MGAT4C: variants seen among roughly 807,000 people sequenced by gnomAD.
MGAT4C encodes the protein alpha-1,3-mannosyl-glycoprotein 4-beta-N-acetylglucosaminyltransferase C.
MGAT4C carries 19 observed loss-of-function variants against 40.1 expected under a neutral mutation model. The observed-to-expected ratio is 0.47, with a 90% CI of 0.33 to 0.70. MGAT4C has a LOEUF of 0.70. Ranked by LOEUF, MGAT4C falls within the 30% of genes least tolerant of loss-of-function variation. The probability of loss-of-function intolerance (pLI) is 0.02; values close to 1 mark genes in which losing one functional copy is unlikely to be tolerated. For missense variants in MGAT4C, 491 were observed against 563.2 expected, an observed-to-expected ratio of 0.87 and a Z score of 1.30; for synonymous variants, 181 against 187.1, an observed-to-expected ratio of 0.97 and a Z score of 0.27.
chr12:86,626,655 A>C (rs900880874), intron 2 of MGAT4C, among the ~76,000 whole-genome samples: 2 of 152,220 alleles, frequency 1.3e-5, no homozygotes, highest in African/African-American at 4.8e-5. Flanking sequence ...GTTATTATTA[A>C]GATTATGGAT....
chr12:86,278,464 C>T (rs1396191272), intron 4 of MGAT4C, among the ~76,000 whole-genome samples: 2 of 152,078 alleles, frequency 1.3e-5, no homozygotes, highest in Non-Finnish European at 1.5e-5. Flanking sequence ...CAGGCGTGAG[C>T]CACCATGCCC....
At chr12:86,660,710 G>T (rs1444808185) in intron 2 of MGAT4C, among the ~76,000 whole-genome samples, 1 of 152,016 alleles carries the variant, frequency 6.6e-6, no homozygotes, top group East Asian at 1.9e-4. Context: ...TTATTCCCTT[G>T]GCTTCTGTCA....
At chr12:86,561,148 CAT>C (rs1185222893) in intron 2 of MGAT4C, among the ~76,000 whole-genome samples, 1 of 152,078 alleles carries the variant, frequency 6.6e-6, no homozygotes, top group East Asian at 1.9e-4. Flanking sequence ...TGTTAAAAAA[CAT>C]ATTACACAAA....
intron 3 of MGAT4C, among the ~76,000 whole-genome samples, chr12:86,337,033 G>A (rs1954804877): frequency 1.3e-5 from 2 of 152,074 alleles, no homozygotes; most frequent in East Asian, 1.9e-4. Context: ...TCATTCATAA[G>A]GATAGTACAT....
chr12:86,307,539 A>T (rs868602008), intron 4 of MGAT4C, among the ~76,000 whole-genome samples: 1 of 150,436 alleles, frequency 6.6e-6, no homozygotes, highest in Non-Finnish European at 1.5e-5. Context: ...AATGCTGTCT[A>T]TGCTCGGGCA....
chr12:86,374,766 A>G (rs1257950573), intron 3 of MGAT4C, among the ~76,000 whole-genome samples: 1 of 152,144 alleles, frequency 6.6e-6, no homozygotes, highest in Non-Finnish European at 1.5e-5. Flanking sequence ...GCTTAACAGC[A>G]TATTTATTGA....
At chr12:86,257,622 T>C (rs969957429), upstream of MGAT4C, among the ~76,000 whole-genome samples, 9 of 152,236 alleles carry the variant, frequency 5.9e-5, no homozygotes, top group Non-Finnish European at 8.8e-5. Flanking sequence ...ACTTGTTACA[T>C]TCCCTCTGCA....
In MGAT4C at chr12:86,722,388, T is replaced by G. The variant is rs1044765464; in HGVS notation, c.-229+4821A>C. Among the ~76,000 whole-genome samples, 8 of 152,274 alleles carry G rather than the reference T, an allele frequency of 5.3e-5. No homozygotes were observed. The South Asian group carries it at 1.7e-3, about 32-fold the overall frequency. On this transcript the variant is annotated intron_variant, in intron 2 of 7. Coordinates refer to the MGAT4C transcript ENST00000548651. ...CCATCCTGTAGATGCCAACAAAAGATTGAAGATTTATAATTCTATTGTGGG... is the reference window on the plus strand; with the variant it reads ...CCATCCTGTAGATGCCAACAAAAGAGTGAAGATTTATAATTCTATTGTGGG...
chr12:86,623,499 A>C (rs1402103667), intron 2 of MGAT4C, among the ~76,000 whole-genome samples: 1 of 152,188 alleles, frequency 6.6e-6, no homozygotes. Flanking sequence ...TTCTTGATGG[A>C]AACAATGCAA....
At chr12:86,480,371 G>A (rs1424854553) in intron 2 of MGAT4C, among the ~76,000 whole-genome samples, 1 of 151,496 alleles carries the variant, frequency 6.6e-6, no homozygotes, top group African/African-American at 2.4e-5. Context: ...TAATGTTTAT[G>A]TAAATGTATA....
chr12:86,562,256 C>T (rs1959903537), intron 2 of MGAT4C, among the ~76,000 whole-genome samples: 1 of 152,122 alleles, frequency 6.6e-6, no homozygotes, highest in Admixed American at 6.6e-5. Context: ...TGCAGAAAAT[C>T]AGACACAAGC....
At chr12:86,176,362 T>C (rs1006467996) in intron 1 of MGAT4C, among the ~76,000 whole-genome samples, 2 of 152,174 alleles carry the variant, frequency 1.3e-5, no homozygotes, top group African/African-American at 2.4e-5. Context: ...AGCACAAACA[T>C]AGTCTTGTAC....
intron 1 of MGAT4C, among the ~76,000 whole-genome samples, chr12:86,136,097 T>G (rs565591939): frequency 6.6e-6 from 1 of 152,318 alleles, no homozygotes; most frequent in East Asian, 1.9e-4. Context: ...GGAATTTGAT[T>G]TTGCAAACAT....
At chr12:86,072,319 A>T (rs955478405) in intron 1 of MGAT4C, among the ~76,000 whole-genome samples, 4 of 151,766 alleles carry the variant, frequency 2.6e-5, no homozygotes, top group African/African-American at 4.8e-5. Context: ...AATTTCCTAA[A>T]TTTTTTTTGT....
intron 3 of MGAT4C, among the ~76,000 whole-genome samples, chr12:86,425,575 A>G (rs1476927196): frequency 6.6e-6 from 1 of 152,192 alleles, no homozygotes; most frequent in Admixed American, 6.5e-5. Flanking sequence ...ATAGCAATGA[A>G]AAAACAAATT....
chr12:86,466,101 C>T (rs1197893135), intron 2 of MGAT4C, among the ~76,000 whole-genome samples: 3 of 151,742 alleles, frequency 2.0e-5, no homozygotes, highest in African/African-American at 4.8e-5. Flanking sequence ...CCCAGCTACT[C>T]GGGAAGCTGA....
At chr12:86,336,874 T>C (rs1022358626) in intron 3 of MGAT4C, among the ~76,000 whole-genome samples, 6 of 152,166 alleles carry the variant, frequency 3.9e-5, no homozygotes, top group East Asian at 1.9e-4. Context: ...TTTTAATCAA[T>C]AGATTAATGA....
intron 2 of MGAT4C, among the ~76,000 whole-genome samples, chr12:86,649,034 T>C (rs1356356858): frequency 6.6e-6 from 1 of 151,882 alleles, no homozygotes; most frequent in Non-Finnish European, 1.5e-5. Flanking sequence ...AGCCCTGCTA[T>C]ATTTATTCAG....
Position 86,686,126 on chromosome 12 carries a change from G to A in MGAT4C, c.-229+41083C>T, listed in dbSNP as rs557244066. Among the ~76,000 whole-genome samples the A allele has an allele frequency of 4.4e-4, 67 of 151,614 alleles. 1 individual carries two copies. The highest frequency in any genetic ancestry group is 1.2e-3 in the African/African-American group (51 of 41,302). ...GATCTCCTGACCTCATGATCTGCCC[G>A]TCTCAGCCTCCCAAAGTGCTGGGAT... On this transcript the variant is annotated intron_variant, in intron 2 of 7. Transcript: ENST00000548651.
Sources: allele counts gnomAD v4.1 joint callset (sites outside exome capture counted in the v4.1 genomes callset), GRCh38; gene constraint gnomAD v4.1.1; transcripts MANE v1.5; gene names NCBI Gene and HGNC (gene_info 2026-07-23, HGNC 2026-07-21).